The following BAG5 variants were observed in gnomAD, a reference collection of about 807,000 sequenced individuals.
BAG5 encodes the protein BAG cochaperone 5.
Under a neutral mutation model 31.8 loss-of-function variants are expected in BAG5, and 25 were observed. That is an observed-to-expected ratio of 0.79 (90% confidence interval 0.57 to 1.10). The LOEUF is 1.10. Among genes scored for constraint, BAG5 ranks in the 50% least tolerant of loss-of-function variants. BAG5 has a pLI of 0.00. For missense variants in BAG5, 491 were observed against 527.9 expected, an observed-to-expected ratio of 0.93 and a Z score of 0.68; for synonymous variants, 208 against 205.0, an observed-to-expected ratio of 1.01 and a Z score of -0.13.
rs1267173979 is a variant in BAG5, at chr14:103,557,560, C to G, written c.*2261G>C. On this transcript the variant is annotated 3_prime_UTR_variant, in exon 2 of 2. Coordinates refer to ENST00000299204, the MANE Select transcript of BAG5 (RefSeq NM_001015048.3). ...GACTGAAACGTCTACTTTCAAAGAA[C>G]AATGGACACTTTTAAAGGGAATGCT... 6.6e-6 allele frequency: 1 copy of G among 152,132 alleles called. No homozygotes were observed. Among genetic ancestry groups the G allele is most frequent in the Non-Finnish European group, 1.5e-5 (1 of 68,030 alleles). 9.4% of individuals were successfully genotyped at this position (152,132 alleles called of 1,614,324 possible).
chr14:103,560,524 C>T lies in BAG5; in HGVS notation c.641G>A (p.Arg214Lys). Residue 214 changes from arginine to lysine, a missense_variant, in exon 2 of 2, where the codon AGG (arginine) becomes AAG (lysine). By Grantham distance (26) the Arg-to-Lys change is conservative. Coordinates refer to ENST00000299204, the MANE Select transcript of BAG5 (RefSeq NM_001015048.3). ...CCCCGAGAGCACACAGGATAAGTGC[C>T]TGCAGGTCTCATTGTTGTTCACACC... ...LMGVNNNETC[R>K]HLSCVLSGLI... The T allele has an allele frequency of 6.2e-7, 1 of 1,614,086 alleles. No homozygotes were observed. Among genetic ancestry groups the T allele is most frequent in the Non-Finnish European group, 8.5e-7 (1 of 1,180,040 alleles).
chr14:103,562,481 G>A lies in BAG5; in HGVS notation c.-29+135C>T, dbSNP rs547459822. ...CGGGGACAGCGCCGAGACCGACTCT[G>A]CCCTGCCTGATCCGACAGGCCGCAC... On this transcript the variant is annotated intron_variant, in intron 1 of 1. Coordinates refer to ENST00000299204, the MANE Select transcript of BAG5 (RefSeq NM_001015048.3). 7 of 173,778 alleles carry A rather than the reference G, an allele frequency of 4.0e-5. No individual in the cohort carries two copies. The South Asian group carries it at 6.2e-4, about 15-fold the overall frequency. 10.8% of individuals were successfully genotyped at this position (173,778 alleles called of 1,614,324 possible). A position where few individuals can be genotyped will look rare whatever the true frequency, so the allele number is the denominator to read the frequency against.
intron 1 of BAG5, chr14:103,561,875 G>C: frequency 2.0e-6 from 3 of 1,494,336 alleles, no homozygotes; most frequent in Admixed American, 1.8e-5. Flanking sequence ...AAAACAACCC[G>C]CGAAAACGTG....
At chr14:103,562,119 G>T (rs976201999) in intron 1 of BAG5, 1 of 754,170 alleles carries the variant, frequency 1.3e-6, no homozygotes, top group African/African-American at 1.7e-5. Context: ...GTCTGAATTG[G>T]ATGCGGTCTT....
rs746459298 is a variant in BAG5 at position 103,561,090 on chromosome 14, C to G, written c.75G>C (p.Gln25His). The change falls in exon 2 of 2, where the codon CAG (glutamine) becomes CAC (histidine). Residue 25 changes from glutamine (Q) to histidine (H), a missense_variant. Gln to His is a conservative substitution (Grantham distance 24). Transcript: ENST00000299204. ...EIQKEVKSVE[Q>H]QVIGFSGLSD... is the part of the protein sequence containing the mutation. Reference sequence around the variant, plus strand: ...ACAGACCACTGAAGCCGATAACTTGCTGTTCTACACTTTTTACTTCCTTTT... The same window carrying G: ...ACAGACCACTGAAGCCGATAACTTGGTGTTCTACACTTTTTACTTCCTTTT... The G allele has an allele frequency of 2.5e-6, 4 of 1,608,308 alleles. 1 individual carries two copies. Among genetic ancestry groups the G allele is most frequent in the East Asian group, 2.2e-5 (1 of 44,896 alleles).
chr14:103,560,735 A>T lies in BAG5; in HGVS notation c.430T>A (p.Ser144Thr). 6.2e-7 allele frequency: 1 copy of T among 1,614,072 alleles called. No individual in the cohort carries two copies. The highest frequency in any genetic ancestry group is 8.5e-7 in the Non-Finnish European group (1 of 1,180,032). ...LTHVKTGGKI[S>T]LRKARYHTLT... ...GTGTGATACCTTGCTTTCCGCAAGG[A>T]GATTTTTCCTCCAGTTTTAACATGT... The change falls in exon 2 of 2, where the codon TCC becomes ACC. Residue 144 changes from serine (S) to threonine (T), a missense_variant. Coordinates refer to ENST00000299204, the MANE Select transcript of BAG5 (RefSeq NM_001015048.3).
Position 103,560,458 on chromosome 14 carries a change from G to C in BAG5, c.707C>G (p.Thr236Arg), listed in dbSNP as rs1350797556. The change falls in exon 2 of 2, where the codon ACA becomes AGA. Residue 236 changes from threonine to arginine, a missense_variant. Thr to Arg is a moderately conservative substitution (Grantham distance 71, BLOSUM62 -1). Coordinates refer to ENST00000299204, the MANE Select transcript of BAG5 (RefSeq NM_001015048.3). ...DLDALDVCGR[T>R]EIRNYRREVV... ...CTCCCTCCGATAATTTCTGATTTCT[G>C]TCCGGCCGCACACATCTAGAGCATC... 1.2e-6 allele frequency: 2 copies of C among 1,613,742 alleles called. No individual in the cohort carries two copies. The highest frequency in any genetic ancestry group is 1.7e-6 in the Non-Finnish European group (2 of 1,180,008).
intron 1 of BAG5, chr14:103,562,335 A>G (rs1313419359): frequency 1.3e-5 from 4 of 319,762 alleles, no homozygotes; most frequent in Non-Finnish European, 2.4e-5. Flanking sequence ...TGACCTCACA[A>G]TGGGCGCGCG....
In BAG5 at chr14:103,556,901, G is replaced by C. The variant is rs1326455461; in HGVS notation, c.*2920C>G. On this transcript the variant is annotated 3_prime_UTR_variant, in exon 2 of 2. Transcript: ENST00000299204. ...GTCAAACAAAGGAGAAAAACTAGCT[G>C]AACTTCTCAAACTAAATTATATCAA... 1 of 152,196 alleles carries C rather than the reference G, an allele frequency of 6.6e-6. No individual in the cohort carries two copies. Among genetic ancestry groups the C allele is most frequent in the Non-Finnish European group, 1.5e-5 (1 of 68,032 alleles). 9.4% of individuals were successfully genotyped at this position (152,196 alleles called of 1,614,324 possible). A position where few individuals can be genotyped will look rare whatever the true frequency, so the allele number is the denominator to read the frequency against.
In BAG5 at chr14:103,559,611, C is replaced by A; in HGVS notation, c.*210G>T. On this transcript the variant is annotated 3_prime_UTR_variant, in exon 2 of 2. Transcript: ENST00000299204. Reference sequence around the variant, plus strand: ...ACAAACCAAACAAACCACACCACATCATACAGATAATGATCCGAATGGAAA... The same window carrying A: ...ACAAACCAAACAAACCACACCACATAATACAGATAATGATCCGAATGGAAA... The A allele has an allele frequency of 1.6e-6, 1 of 620,326 alleles. No individual in the cohort carries two copies. The highest frequency in any genetic ancestry group is 2.7e-6 in the Non-Finnish European group (1 of 375,224). The allele number at this position is 620,326 out of a possible 1,614,324, so 38.4% of individuals were successfully genotyped here.
chr14:103,561,500 A>G (rs1001521297), intron 1 of BAG5, among the ~76,000 whole-genome samples: 4 of 152,180 alleles, frequency 2.6e-5, no homozygotes, highest in African/African-American at 4.8e-5. Context: ...TGGAACCAGC[A>G]GGGCACCTTT....
chr14:103,558,273 A>T lies in BAG5; in HGVS notation c.*1548T>A, dbSNP rs921673655. 4 of 152,214 alleles carry T rather than the reference A, an allele frequency of 2.6e-5. No individual in the cohort carries two copies. Among genetic ancestry groups the T allele is most frequent in the African/African-American group, 9.6e-5 (4 of 41,456 alleles). 9.4% of individuals were successfully genotyped at this position (152,214 alleles called of 1,614,324 possible). On this transcript the variant is annotated 3_prime_UTR_variant, in exon 2 of 2. Transcript: ENST00000299204. ...GGAAATACTGAGAGACAAGCTGAAG[A>T]TTTGTTAAGGGCTATGCTTCTGTCA...
Position 103,561,080 on chromosome 14 carries a change from C to T in BAG5, c.85G>A (p.Gly29Ser). ...EVKSVEQQVI[G>S]FSGLSDDKNY... ...TTGTCATCTGACAGACCACTGAAGCCGATAACTTGCTGTTCTACACTTTTT... is the reference window on the plus strand; with the variant it reads ...TTGTCATCTGACAGACCACTGAAGCTGATAACTTGCTGTTCTACACTTTTT... Residue 29 changes from glycine (G) to serine (S), a missense_variant, in exon 2 of 2, where the codon GGC (glycine) becomes AGC (serine). Transcript: ENST00000299204. 5 of 1,610,280 alleles carry T rather than the reference C, an allele frequency of 3.1e-6. No individual in the cohort carries two copies. In the South Asian group the frequency reaches 3.3e-5, roughly 11 times the overall value.
At position 103,560,789 on chromosome 14, in the gene BAG5, C is replaced by T. The variant is rs778425552; in HGVS notation, c.376G>A (p.Gly126Ser). ...AGCCTCAGAATGATATCTTGGATGC[C>T]TTCTTCAAACTCATCAGTTACGCAG... ...GNCVTDEFEE[G>S]IQDIILRLTH... The change falls in exon 2 of 2, where the codon GGC becomes AGC. Residue 126 changes from glycine (G) to serine (S), a missense_variant. Gly to Ser is a moderately conservative substitution (Grantham distance 56). Coordinates refer to ENST00000299204, the MANE Select transcript of BAG5 (RefSeq NM_001015048.3). 6.2e-7 allele frequency: 1 copy of T among 1,614,026 alleles called. No homozygotes were observed. Among genetic ancestry groups the T allele is most frequent in the South Asian group, 1.1e-5 (1 of 91,062 alleles).
chr14:103,562,013 A>G (rs778573408), intron 1 of BAG5: 1 of 1,607,080 alleles, frequency 6.2e-7, no homozygotes, highest in East Asian at 2.2e-5. Flanking sequence ...CGCATAATCT[A>G]TCCCCGGCGG....
At position 103,559,807 on chromosome 14, in the gene BAG5, A is replaced by C; in HGVS notation, c.*14T>G. The stretch of plus-strand genomic sequence containing the variant: ...GAAGTGCAAAACAGTATCAAAAGTG[A>C]GATCTCTGGTATTTCAGTACTCCCA... On this transcript the variant is annotated 3_prime_UTR_variant, in exon 2 of 2. Coordinates refer to ENST00000299204, the MANE Select transcript of BAG5 (RefSeq NM_001015048.3). 1 of 1,606,208 alleles carries C rather than the reference A, an allele frequency of 6.2e-7. No homozygotes were observed. The highest frequency in any genetic ancestry group is 8.5e-7 in the Non-Finnish European group (1 of 1,175,162).
At position 103,560,923 on chromosome 14, in the gene BAG5, T is replaced by A. The variant is rs1474510309; in HGVS notation, c.242A>T (p.Glu81Val). 3.7e-6 allele frequency: 6 copies of A among 1,614,176 alleles called. No individual in the cohort carries two copies. Among genetic ancestry groups the A allele is most frequent in the South Asian group, 1.1e-5 (1 of 91,084 alleles). ...AAQETERLLK[E>V]LEQNANHPHR... ...TGGGTGGTTTGCATTCTGCTCCAAC[T>A]CTTTGAGAAGACGTTCTGTCTCCTG... is the stretch of plus-strand genomic sequence containing the variant. Residue 81 changes from glutamate to valine, a missense_variant, in exon 2 of 2, where the codon GAG becomes GTG. Physicochemically the swap from Glu to Val is moderately radical, Grantham distance 121. Transcript: ENST00000299204.
rs777446271 is a variant in BAG5, at chr14:103,560,430, T to G, written c.735A>C (p.Val245=). The part of the protein sequence containing the change: ...RTEIRNYRRE[V]VEDINKLLKY... The stretch of plus-strand genomic sequence containing the variant: ...TCAATAATTTGTTGATATCTTCTAC[T>G]ACCTCCCTCCGATAATTTCTGATTT... The change falls in exon 2 of 2, where the codon GTA becomes GTC. Residue 245 remains valine, a synonymous_variant. Transcript: ENST00000299204. 48 of 1,614,220 alleles carry G rather than the reference T, an allele frequency of 3.0e-5. No homozygotes were observed. The South Asian group carries it at 5.3e-4, about 18-fold the overall frequency.
chr14:103,561,042 T>G lies in BAG5; in HGVS notation c.123A>C (p.Lys41Asn). 1 of 1,613,486 alleles carries G rather than the reference T, an allele frequency of 6.2e-7. No homozygotes were observed. Among genetic ancestry groups the G allele is most frequent in the Non-Finnish European group, 8.5e-7 (1 of 1,180,028 alleles). ...GCTGTTTTGTTAGAATCCTCTCCAG[T>G]TTCTTGTAATTCTTGTCATCTGACA... is the stretch of plus-strand genomic sequence containing the variant. ...SGLSDDKNYK[K>N]LERILTKQLF... The change falls in exon 2 of 2, where the codon AAA becomes AAC. Residue 41 changes from lysine to asparagine, a missense_variant. By Grantham distance (94) the Lys-to-Asn change is moderately conservative (BLOSUM62 0). Coordinates refer to ENST00000299204, the MANE Select transcript of BAG5 (RefSeq NM_001015048.3).
Sources: gnomAD v4.1 joint callset for allele counts (sites outside exome capture counted in the v4.1 genomes callset) on GRCh38, gnomAD v4.1.1 for gene constraint, MANE v1.5 for transcripts, NCBI Gene and HGNC (gene_info 2026-07-23, HGNC 2026-07-21) for gene names.